Variants in SPECC1 observed in about 807,000 individuals in gnomAD.
The protein encoded by SPECC1 is sperm antigen with calponin homology and coiled-coil domains 1.
SPECC1 carries 62 observed loss-of-function variants against 104.1 expected under a neutral mutation model. The ratio of observed to expected loss-of-function variants is 0.60; its 90% confidence interval spans 0.49 to 0.74. SPECC1 has a LOEUF of 0.74. Ranked by LOEUF, SPECC1 falls within the 30% of genes least tolerant of loss-of-function variation. SPECC1 has a pLI of 0.00. For missense variants in SPECC1, 1,306 were observed against 1,310.5 expected, an observed-to-expected ratio of 1.00 and a Z score of 0.05; for synonymous variants, 513 against 501.6, an observed-to-expected ratio of 1.02 and a Z score of -0.30.
intron 4 of SPECC1, among the ~76,000 whole-genome samples, chr17:20,217,961 G>T (rs993732734): frequency 6.6e-6 from 1 of 152,198 alleles, no homozygotes; most frequent in Non-Finnish European, 1.5e-5. Context: ...TGAGCCAGGA[G>T]ATAGAGGCTG....
intron 12 of SPECC1, among the ~76,000 whole-genome samples, chr17:20,268,290 CTT>C (rs2040282209): frequency 6.6e-6 from 1 of 152,154 alleles, no homozygotes; most frequent in African/African-American, 2.4e-5. Context: ...ATCTTCTTCT[CTT>C]TTGGAGAAAA....
chr17:20,231,036 G>C (rs1253379902), intron 5 of SPECC1, among the ~76,000 whole-genome samples: 3 of 152,200 alleles, frequency 2.0e-5, no homozygotes, highest in Non-Finnish European at 4.4e-5. Flanking sequence ...AGGAATTTCA[G>C]CTCAGTGACT....
At chr17:20,242,241 C>T (rs897249051) in intron 7 of SPECC1, among the ~76,000 whole-genome samples, 5 of 152,152 alleles carry the variant, frequency 3.3e-5, no homozygotes, top group African/African-American at 1.2e-4. Context: ...CCATGACTGA[C>T]ATTTGAAAAC....
rs917153450 is a variant in SPECC1 at position 20,285,844 on chromosome 17, G to A, written c.2941-11117G>A. Among the ~76,000 whole-genome samples the A allele has an allele frequency of 4.5e-5, 6 of 133,784 alleles. No individual in the cohort carries two copies. The South Asian group carries it at 9.1e-4, about 20-fold the overall frequency. The allele number at this position is 133,784 out of a possible 152,430, so 87.8% of individuals were successfully genotyped here. A position where few individuals can be genotyped will look rare whatever the true frequency, so the allele number is the denominator to read the frequency against. Reference sequence around the variant, plus strand: ...CTTTTTTTTTTTTTGATAGGGTCTCGCTCTACCACCCAGGTTGGAGTGAAG... The same window carrying A: ...CTTTTTTTTTTTTTGATAGGGTCTCACTCTACCACCCAGGTTGGAGTGAAG... On this transcript the variant is annotated intron_variant, in intron 12 of 14. Coordinates refer to ENST00000395527, the MANE Select transcript of SPECC1 (RefSeq NM_001243439.2).
At chr17:20,285,039 T>C (rs2040894408) in intron 12 of SPECC1, among the ~76,000 whole-genome samples, 1 of 152,190 alleles carries the variant, frequency 6.6e-6, no homozygotes, top group Non-Finnish European at 1.5e-5. Context: ...AATCCAGCTG[T>C]GTCCTCGATT....
At chr17:20,147,580 A>C (rs751701957) in intron 3 of SPECC1, among the ~76,000 whole-genome samples, 7 of 152,208 alleles carry the variant, frequency 4.6e-5, no homozygotes, top group Non-Finnish European at 8.8e-5. Context: ...AGCTAGAGGA[A>C]GAAGTGGGTG....
chr17:20,165,138 C>G (rs968818826), intron 3 of SPECC1, among the ~76,000 whole-genome samples: 1 of 152,026 alleles, frequency 6.6e-6, no homozygotes, highest in Non-Finnish European at 1.5e-5. Flanking sequence ...ACAGATCAAC[C>G]CGTCACCTAG....
At chr17:20,093,215 C>A (rs1237991211) in intron 1 of SPECC1, among the ~76,000 whole-genome samples, 2 of 152,178 alleles carry the variant, frequency 1.3e-5, no homozygotes, top group Non-Finnish European at 2.9e-5. Context: ...TGGTATCTGG[C>A]AAGGGCCTGC....
intron 7 of SPECC1, among the ~76,000 whole-genome samples, chr17:20,245,432 C>T (rs1598075984): frequency 6.6e-6 from 1 of 152,184 alleles, no homozygotes; most frequent in East Asian, 1.9e-4. Context: ...CAGGTCTTGC[C>T]CAAGTCTTTC....
chr17:20,248,975 G>A (rs1003670314), intron 9 of SPECC1, among the ~76,000 whole-genome samples: 1 of 152,104 alleles, frequency 6.6e-6, no homozygotes, highest in South Asian at 2.1e-4. Context: ...AAAACCCATA[G>A]AAACATGGGT....
At chr17:20,276,085 G>A (rs1425336004) in intron 12 of SPECC1, among the ~76,000 whole-genome samples, 2 of 151,722 alleles carry the variant, frequency 1.3e-5, no homozygotes, top group African/African-American at 2.4e-5. Context: ...TATGTTATTT[G>A]CATGATATAT....
At chr17:20,029,774 A>G (rs945854479) in intron 1 of SPECC1, among the ~76,000 whole-genome samples, 3 of 152,110 alleles carry the variant, frequency 2.0e-5, no homozygotes, top group Admixed American at 6.5e-5. Flanking sequence ...TTCTGATTCT[A>G]GTAATTTGAG....
In SPECC1 at chr17:20,201,367, AGC is replaced by A. The variant is rs773948643; in HGVS notation, c.284-2965_284-2964del. Among the ~76,000 whole-genome samples, 39 of 152,228 alleles carry A rather than the reference AGC, an allele frequency of 2.6e-4. No homozygotes were observed. The East Asian group carries it at 5.2e-3, about 20-fold the overall frequency. On this transcript the variant is annotated intron_variant, in intron 3 of 14. Transcript: ENST00000395527. Reference sequence around the variant, plus strand: ...CATGGTGGCTCGCGCCTGTAGTTCCAGCTATTCGGGATGCTGAGGCAGGAGAA... The same window carrying A: ...CATGGTGGCTCGCGCCTGTAGTTCCATATTCGGGATGCTGAGGCAGGAGAA...
chr17:20,040,242 TACC>T (rs1353104335), intron 1 of SPECC1, among the ~76,000 whole-genome samples: 5 of 152,154 alleles, frequency 3.3e-5, no homozygotes, highest in Admixed American at 6.6e-5. Context: ...GTTGTCATTT[TACC>T]ACTTCAATGA....
rs552243841 is a variant in SPECC1, at chr17:20,120,999, T to G, written c.283+10437T>G. Among the ~76,000 whole-genome samples the G allele has an allele frequency of 5.9e-5, 9 of 152,354 alleles. No individual in the cohort carries two copies. In the South Asian group the frequency reaches 1.9e-3, roughly 32 times the overall value. On this transcript the variant is annotated intron_variant, in intron 3 of 14. Coordinates refer to ENST00000395527, the MANE Select transcript of SPECC1 (RefSeq NM_001243439.2). ...TGAGCTTCCTCATTCTTTTCAAGAC[T>G]ATTTCCAGTTTCTGGTTTCCAGGCC...
chr17:20,111,331 AT>A (rs1178832916), intron 3 of SPECC1, among the ~76,000 whole-genome samples: 4 of 152,258 alleles, frequency 2.6e-5, no homozygotes, highest in Admixed American at 6.5e-5. Context: ...TAAAAGTCAC[AT>A]TCAGGCTAGA....
intron 1 of SPECC1, among the ~76,000 whole-genome samples, chr17:20,021,694 A>G (rs1482269177): frequency 1.8e-5 from 2 of 111,696 alleles, no homozygotes; most frequent in Non-Finnish European, 3.4e-5. Context: ...ATATATATAT[A>G]TATATATATT....
intron 2 of SPECC1, among the ~76,000 whole-genome samples, chr17:20,105,292 A>G (rs911354710): frequency 6.6e-6 from 1 of 152,214 alleles, no homozygotes; most frequent in Non-Finnish European, 1.5e-5. Context: ...ATGGAGTCTT[A>G]CTATGTTGCT....
At chr17:20,156,298 T>C in intron 3 of SPECC1, 1 of 1,303,604 alleles carries the variant, frequency 7.7e-7, no homozygotes. Context: ...CAGGCGCCCT[T>C]CCCCCACCGC....
Sources: gnomAD v4.1 joint callset for allele counts (sites outside exome capture counted in the v4.1 genomes callset) on GRCh38, gnomAD v4.1.1 for gene constraint, MANE v1.5 for transcripts, NCBI Gene and HGNC (gene_info 2026-07-23, HGNC 2026-07-21) for gene names.